The following MYT1L variants were observed in gnomAD, a reference collection of about 807,000 sequenced individuals.
The protein encoded by MYT1L is myelin transcription factor 1-like protein.
Under a neutral mutation model 126.7 loss-of-function variants are expected in MYT1L, and 12 were observed. That is an observed-to-expected ratio of 0.09 (90% confidence interval 0.06 to 0.15). The LOEUF (loss-of-function observed/expected upper bound fraction) is 0.15, where lower values mean the gene tolerates loss of function less well. Ranked by LOEUF, MYT1L falls within the 10% of genes least tolerant of loss-of-function variation. The probability of loss-of-function intolerance (pLI) is 1.00; values close to 1 mark genes in which losing one functional copy is unlikely to be tolerated. For synonymous variants in MYT1L, 541 were observed against 604.2 expected (o/e 0.90, Z 1.53); for missense variants, 979 against 1,585.2 (o/e 0.62, Z 6.49).
Position 2,228,053 on chromosome 2 carries a change from G to C in MYT1L, c.-420-55065C>G, listed in dbSNP as rs920926648. ...TGCCCAATGTCAAGTAGCTCATAAC[G>C]GCTAGTAAATGCCTAGGGTTGAATA... On this transcript the variant is annotated intron_variant, in intron 2 of 24. Transcript: ENST00000647738. This position sits in a 1 kb window ranked among gnomAD's most constrained non-coding sequence, Gnocchi z 5.9. Among the ~76,000 whole-genome samples, 1 of 152,122 alleles carries C rather than the reference G, an allele frequency of 6.6e-6. No homozygotes were observed.
At chr2:2,312,132 C>G (rs377200947) in intron 1 of MYT1L, among the ~76,000 whole-genome samples, 1 of 152,164 alleles carries the variant, frequency 6.6e-6, no homozygotes, top group African/African-American at 2.4e-5. Context: ...AGAACAAAGT[C>G]GCCTGTGTGA....
At chr2:2,281,968 C>A (rs1311624453) in intron 2 of MYT1L, among the ~76,000 whole-genome samples, 1 of 152,132 alleles carries the variant, frequency 6.6e-6, no homozygotes, top group Non-Finnish European at 1.5e-5. Context: ...TGCACTCTGG[C>A]GTTTAGTATA....
At chr2:1,953,180 C>T (rs961966230) in intron 8 of MYT1L, among the ~76,000 whole-genome samples, 10 of 152,094 alleles carry the variant, frequency 6.6e-5, no homozygotes, top group African/African-American at 1.9e-4. Flanking sequence ...CTAGGCTGGT[C>T]TTGAACTCCT....
rs775610756 is a variant in MYT1L at position 1,910,382 on chromosome 2, C to T, written c.1710-35G>A. 4.5e-6 allele frequency: 7 copies of T among 1,552,992 alleles called. No individual in the cohort carries two copies. The East Asian group carries it at 1.1e-4, about 25-fold the overall frequency. On this transcript the variant is annotated intron_variant, in intron 12 of 24. Transcript: ENST00000647738. This position sits in a 1 kb window ranked among gnomAD's most constrained non-coding sequence, Gnocchi z 4.8. ...CAGAAAGCGGGTTGAATGGTCCCGC[C>T]TCAAACACCTTCACAGCACACTAAT...
chr2:2,178,553 T>C (rs1014775877), intron 2 of MYT1L, among the ~76,000 whole-genome samples: 1 of 152,164 alleles, frequency 6.6e-6, no homozygotes, highest in African/African-American at 2.4e-5. Flanking sequence ...CCTCCTTCCT[T>C]CTGCAGGAAG....
At chr2:1,963,096 A>C (rs1210231197) in intron 8 of MYT1L, among the ~76,000 whole-genome samples, 1 of 152,226 alleles carries the variant, frequency 6.6e-6, no homozygotes, top group African/African-American at 2.4e-5. Flanking sequence ...CTCGAAAGTC[A>C]AAATTAATCC....
At chr2:2,145,991 C>T (rs989169695) in intron 3 of MYT1L, among the ~76,000 whole-genome samples, 7 of 152,098 alleles carry the variant, frequency 4.6e-5, no homozygotes, top group South Asian at 2.1e-4. Context: ...CCAATGCTGA[C>T]GATCTGGAAC....
At chr2:2,093,599 C>T (rs1213011659) in intron 3 of MYT1L, among the ~76,000 whole-genome samples, 1 of 152,082 alleles carries the variant, frequency 6.6e-6, no homozygotes, top group Non-Finnish European at 1.5e-5. Flanking sequence ...AGCCCCTTGT[C>T]AGATGAGTAG....
intron 8 of MYT1L, among the ~76,000 whole-genome samples, chr2:1,975,386 T>C (rs763330307): frequency 1.5e-4 from 23 of 150,262 alleles, no homozygotes; most frequent in Non-Finnish European, 2.4e-4. Flanking sequence ...AAACTACAAT[T>C]GTGAGAAACA....
chr2:2,050,609 C>T (rs1227591195), intron 4 of MYT1L, among the ~76,000 whole-genome samples: 1 of 152,238 alleles, frequency 6.6e-6, no homozygotes, highest in Middle Eastern at 3.4e-3. Flanking sequence ...TGTTCTATGG[C>T]ATTTTTATTT....
chr2:2,080,365 G>A (rs115324480), intron 3 of MYT1L, among the ~76,000 whole-genome samples: 1 of 151,940 alleles, frequency 6.6e-6, no homozygotes, highest in Non-Finnish European at 1.5e-5. Context: ...TCTGACAAAG[G>A]CCACCATCAT....
At chr2:1,951,926 G>C (rs1274144163) in intron 8 of MYT1L, among the ~76,000 whole-genome samples, 1 of 152,126 alleles carries the variant, frequency 6.6e-6, no homozygotes, top group Non-Finnish European at 1.5e-5. Context: ...TGAAATCATT[G>C]AACTATGCAA....
chr2:2,188,693 A>C (rs953898080), intron 2 of MYT1L, among the ~76,000 whole-genome samples: 1 of 151,872 alleles, frequency 6.6e-6, no homozygotes, highest in East Asian at 1.9e-4. Flanking sequence ...CTTCCTGGGG[A>C]TCTGTCTCGG....
At chr2:2,271,490 C>T (rs761523218) in intron 2 of MYT1L, among the ~76,000 whole-genome samples, 16 of 152,186 alleles carry the variant, frequency 1.1e-4, no homozygotes, top group Non-Finnish European at 1.3e-4. Context: ...TCTGTCTGCA[C>T]GTCTCCTAGA....
At chr2:2,131,058 G>A (rs548973517) in intron 3 of MYT1L, among the ~76,000 whole-genome samples, 4 of 152,112 alleles carry the variant, frequency 2.6e-5, no homozygotes, top group East Asian at 1.9e-4. Context: ...TCTGTGTTGC[G>A]ATACCTTATG....
chr2:2,284,010 G>A (rs1573153067), intron 2 of MYT1L, among the ~76,000 whole-genome samples: 1 of 152,326 alleles, frequency 6.6e-6, no homozygotes, highest in South Asian at 2.1e-4. Context: ...TAAAGTGAAG[G>A]AGTAGGAGTG....
intron 18 of MYT1L, among the ~76,000 whole-genome samples, chr2:1,856,455 C>T (rs1558771580): frequency 1.3e-5 from 2 of 152,204 alleles, no homozygotes; most frequent in East Asian, 1.9e-4. Context: ...CATTGGTGCA[C>T]ATCACGCAGC....
chr2:2,318,730 T>C (rs1390172293), intron 1 of MYT1L, among the ~76,000 whole-genome samples: 2 of 152,220 alleles, frequency 1.3e-5, no homozygotes, highest in Non-Finnish European at 2.9e-5. Flanking sequence ...GAAATTGATC[T>C]GAAATTTATC....
At chr2:2,267,462 A>G (rs2095161121) in intron 2 of MYT1L, among the ~76,000 whole-genome samples, 1 of 152,232 alleles carries the variant, frequency 6.6e-6, no homozygotes, top group Non-Finnish European at 1.5e-5. Flanking sequence ...TGGAGGCTGT[A>G]TAAGAAGCGG....
Sources: gnomAD v4.1 joint callset for allele counts (sites outside exome capture counted in the v4.1 genomes callset) on GRCh38, gnomAD v4.1.1 for gene constraint, Gnocchi (gnomAD v3.1) non-coding constraint, MANE v1.5 for transcripts, NCBI Gene and HGNC (gene_info 2026-07-23, HGNC 2026-07-21) for gene names.